The following CRTC1 variants were observed in gnomAD, a reference collection of about 807,000 sequenced individuals.
CRTC1 encodes the protein CREB-regulated transcription coactivator 1.
Under a neutral mutation model 66.1 loss-of-function variants are expected in CRTC1, and 18 were observed. The ratio of observed to expected loss-of-function variants is 0.27; its 90% confidence interval spans 0.19 to 0.40. The LOEUF (loss-of-function observed/expected upper bound fraction) is 0.40, where lower values mean the gene tolerates loss of function less well. Among genes scored for constraint, CRTC1 ranks in the 10% least tolerant of loss-of-function variants. The pLI is 1.00. For synonymous variants in CRTC1, 416 were observed against 398.8 expected, an observed-to-expected ratio of 1.04 and a Z score of -0.51; for missense variants, 669 against 887.9, an observed-to-expected ratio of 0.75 and a Z score of 3.13.
At chr19:18,684,028 A>C (rs1163870386) in intron 1 of CRTC1, among the ~76,000 whole-genome samples, 200 bp downstream of exon 1, 3 of 150,884 alleles carry the variant, frequency 2.0e-5, no homozygotes, top group Non-Finnish European at 4.4e-5. Context: ...GACCCCACAA[A>C]ATCCATACCT....
intron 6 of CRTC1, among the ~76,000 whole-genome samples, chr19:18,755,997 A>G (rs2054475667): frequency 2.6e-5 from 4 of 152,098 alleles, no homozygotes; most frequent in Admixed American, 2.6e-4. Context: ...GTTTGGCACA[A>G]AGAGTCACTG....
rs1375950927 is a variant in CRTC1 at position 18,768,831 on chromosome 19, G to A, written c.1320+38G>A. On this transcript the variant is annotated intron_variant, in intron 10 of 13. Coordinates refer to ENST00000321949, the MANE Select transcript of CRTC1 (RefSeq NM_015321.3). This position sits in a 1 kb window ranked among gnomAD's most constrained non-coding sequence, Gnocchi z 5.6. Reference sequence around the variant, plus strand: ...TGGGGTCCCTCGGGGCCTGACTGGGGGTCTTGTAGAGGACAGCCCGGGGGC... The same window carrying A: ...TGGGGTCCCTCGGGGCCTGACTGGGAGTCTTGTAGAGGACAGCCCGGGGGC... 41 of 1,560,754 alleles carry A rather than the reference G, an allele frequency of 2.6e-5. No homozygotes were observed. The highest frequency in any genetic ancestry group is 2.7e-5 in the Non-Finnish European group (31 of 1,154,212).
chr19:18,720,713 G>A (rs995604771), intron 1 of CRTC1, among the ~76,000 whole-genome samples: 1 of 152,034 alleles, frequency 6.6e-6, no homozygotes, highest in African/African-American at 2.4e-5. Context: ...TGTTGGCCAG[G>A]CTGATCTCGA....
At chr19:18,767,244 G>A (rs899244036) in intron 9 of CRTC1, among the ~76,000 whole-genome samples, 5 of 151,688 alleles carry the variant, frequency 3.3e-5, no homozygotes, top group Non-Finnish European at 7.4e-5. Flanking sequence ...TGTCGCCCAG[G>A]CTGGAGTGCA....
chr19:18,686,504 G>A (rs140230972), intron 1 of CRTC1, among the ~76,000 whole-genome samples: 38 of 152,208 alleles, frequency 2.5e-4, no homozygotes, highest in African/African-American at 9.1e-4. Flanking sequence ...AAAATTAGTC[G>A]GGTGTGGTGG....
chr19:18,749,548 C>T (rs536619725), intron 4 of CRTC1, among the ~76,000 whole-genome samples: 78 of 152,358 alleles, frequency 5.1e-4, no homozygotes, highest in African/African-American at 1.8e-3. Context: ...CACAGGCGTG[C>T]GCCACCTCGC....
intron 1 of CRTC1, among the ~76,000 whole-genome samples, chr19:18,739,524 A>G (rs1319505048): frequency 2.0e-5 from 3 of 152,142 alleles, no homozygotes; most frequent in African/African-American, 4.8e-5. Flanking sequence ...ACCCCCTCAC[A>G]TCTTTGTTCA....
chr19:18,779,484 A>G lies in CRTC1; in HGVS notation c.*2102A>G, dbSNP rs1357807872. The stretch of plus-strand genomic sequence containing the variant: ...TTTTTTTTTTTTTAAGAAAAACTAC[A>G]TGTACATAGGAGAGTTTCATTACCA... On this transcript the variant is annotated 3_prime_UTR_variant, in exon 14 of 14. Coordinates refer to ENST00000321949, the MANE Select transcript of CRTC1 (RefSeq NM_015321.3). 3 of 215,750 alleles carry G rather than the reference A, an allele frequency of 1.4e-5. No homozygotes were observed. Among genetic ancestry groups the G allele is most frequent in the East Asian group, 1.4e-4 (2 of 14,728 alleles). The allele number at this position is 215,750 out of a possible 1,614,324, so 13.4% of individuals were successfully genotyped here. A position where few individuals can be genotyped will look rare whatever the true frequency, so the allele number is the denominator to read the frequency against.
chr19:18,735,318 C>T (rs1188735545), intron 1 of CRTC1, among the ~76,000 whole-genome samples: 3 of 152,182 alleles, frequency 2.0e-5, no homozygotes, highest in Non-Finnish European at 4.4e-5. Context: ...TTGGGGATGC[C>T]ATCCCTGCTG....
At chr19:18,737,260 G>A (rs1045416619) in intron 1 of CRTC1, among the ~76,000 whole-genome samples, 1 of 151,512 alleles carries the variant, frequency 6.6e-6, no homozygotes, top group Non-Finnish European at 1.5e-5. Flanking sequence ...GGGTCAGGTG[G>A]GGGGGTAGGA....
At chr19:18,723,090 G>A (rs750959834) in intron 1 of CRTC1, among the ~76,000 whole-genome samples, 5 of 151,974 alleles carry the variant, frequency 3.3e-5, no homozygotes, top group Non-Finnish European at 7.4e-5. Context: ...ACAGGCATGG[G>A]GCACCACTCC....
intron 1 of CRTC1, among the ~76,000 whole-genome samples, chr19:18,712,743 C>T (rs1046167169): frequency 4.6e-5 from 7 of 151,870 alleles, no homozygotes; most frequent in African/African-American, 1.2e-4. Flanking sequence ...GCAGATCGCT[C>T]GAGGTCAGGA....
At chr19:18,751,149 G>A (rs946233429) in intron 5 of CRTC1, among the ~76,000 whole-genome samples, 11 of 152,160 alleles carry the variant, frequency 7.2e-5, no homozygotes, top group African/African-American at 2.7e-4. Flanking sequence ...AACAAGGAAG[G>A]GGTTGGCCTA....
intron 9 of CRTC1, among the ~76,000 whole-genome samples, chr19:18,766,586 C>T (rs1396633840): frequency 6.6e-6 from 1 of 151,682 alleles, no homozygotes; most frequent in Non-Finnish European, 1.5e-5. Flanking sequence ...GCTGGGATTA[C>T]AGGTGACCGC....
chr19:18,706,720 T>C (rs1568487490), intron 1 of CRTC1, among the ~76,000 whole-genome samples: 1 of 152,148 alleles, frequency 6.6e-6, no homozygotes, highest in Non-Finnish European at 1.5e-5. Flanking sequence ...TGATAGGGAT[T>C]GTGGTTTTGG....
chr19:18,748,570 C>T (rs1278279092), intron 4 of CRTC1, among the ~76,000 whole-genome samples: 1 of 147,012 alleles, frequency 6.8e-6, no homozygotes, highest in Non-Finnish European at 1.5e-5. Context: ...CACAGTGGCT[C>T]ACACCTGTAA....
chr19:18,749,920 C>G (rs772264869), intron 5 of CRTC1, 45 bp downstream of exon 5: 1 of 1,490,248 alleles, frequency 6.7e-7, no homozygotes, highest in Non-Finnish European at 9.4e-7. Flanking sequence ...TGAGGCAAGT[C>G]CAGCAGGTAA....
chr19:18,745,525 C>T (rs888680923), intron 2 of CRTC1, among the ~76,000 whole-genome samples: 15 of 152,274 alleles, frequency 9.9e-5, no homozygotes, highest in Non-Finnish European at 1.3e-4. Flanking sequence ...TGGCACCCGG[C>T]GGGCGCTGGC....
At chr19:18,711,969 G>A (rs2053401961) in intron 1 of CRTC1, among the ~76,000 whole-genome samples, 1 of 152,132 alleles carries the variant, frequency 6.6e-6, no homozygotes, top group East Asian at 1.9e-4. Context: ...AATTTTTTGA[G>A]ACAGGGTCTT....
Sources: allele counts gnomAD v4.1 joint callset (sites outside exome capture counted in the v4.1 genomes callset), GRCh38; gene constraint gnomAD v4.1.1; non-coding constraint Gnocchi (gnomAD v3.1); transcripts MANE v1.5; gene names NCBI Gene and HGNC (gene_info 2026-07-23, HGNC 2026-07-21).